OSBPL8: variants seen among roughly 807,000 people sequenced by gnomAD.
OSBPL8 encodes the protein oxysterol-binding protein-related protein 8.
A neutral mutation model predicts 125.5 loss-of-function variants in OSBPL8; 59 were observed. The observed-to-expected ratio is 0.47, with a 90% CI of 0.38 to 0.58. The LOEUF (loss-of-function observed/expected upper bound fraction) is 0.58. Among genes scored for constraint, OSBPL8 ranks in the 20% least tolerant of loss-of-function variants. The pLI is 0.00. For synonymous variants in OSBPL8, 330 were observed against 338.9 expected, an observed-to-expected ratio of 0.97 and a Z score of 0.29; for missense variants, 758 against 1,047.8, an observed-to-expected ratio of 0.72 and a Z score of 3.82.
intron 1 of OSBPL8, among the ~76,000 whole-genome samples, chr12:76,505,143 T>C (rs574535724): frequency 7.2e-5 from 11 of 152,318 alleles, no homozygotes; most frequent in Middle Eastern, 3.4e-3. Flanking sequence ...TATTAAATTC[T>C]TTCTCTTTTG....
intron 2 of OSBPL8, among the ~76,000 whole-genome samples, chr12:76,467,184 T>C (rs1007341617): frequency 2.0e-5 from 3 of 152,172 alleles, no homozygotes; most frequent in African/African-American, 7.2e-5. Flanking sequence ...ACTCCTCTGC[T>C]CTGGCTTCCC....
chr12:76,535,779 A>G (rs889937608), intron 1 of OSBPL8, among the ~76,000 whole-genome samples: 1 of 152,224 alleles, frequency 6.6e-6, no homozygotes, highest in Non-Finnish European at 1.5e-5. Flanking sequence ...AGACAAGAGT[A>G]CATACTCTAT....
At chr12:76,400,290 G>A (rs887988542) in intron 6 of OSBPL8, among the ~76,000 whole-genome samples, 2 of 152,110 alleles carry the variant, frequency 1.3e-5, no homozygotes, top group African/African-American at 4.8e-5. Context: ...GTCTGCTAAG[G>A]ATAATGCCCT....
At chr12:76,366,194 C>A (rs947145904) in intron 21 of OSBPL8, among the ~76,000 whole-genome samples, 9 of 152,282 alleles carry the variant, frequency 5.9e-5, no homozygotes, top group African/African-American at 2.2e-4. Flanking sequence ...TTCACCAGTG[C>A]AGCCACCTGA....
intron 6 of OSBPL8, 108 bp from the exon 7 acceptor site, chr12:76,400,082 T>C: frequency 1.3e-6 from 1 of 764,582 alleles, no homozygotes; most frequent in Non-Finnish European, 2.0e-6. Flanking sequence ...ACCTGTGTCA[T>C]GGGGTTTTGT....
chr12:76,454,080 C>T (rs1873731654), intron 3 of OSBPL8, among the ~76,000 whole-genome samples: 1 of 152,112 alleles, frequency 6.6e-6, no homozygotes, highest in African/African-American at 2.4e-5. Context: ...ATGTCTTAAG[C>T]ACTGTTAATG....
intron 2 of OSBPL8, among the ~76,000 whole-genome samples, chr12:76,461,530 A>T (rs550877720): frequency 1.3e-5 from 2 of 150,552 alleles, no homozygotes; most frequent in African/African-American, 2.4e-5. Flanking sequence ...GGCTCACTGC[A>T]ATCTCCACCT....
rs765811381 is a variant in OSBPL8 at position 76,390,405 on chromosome 12, A to T, written c.1167+15T>A. 1.9e-6 allele frequency: 3 copies of T among 1,541,412 alleles called. No homozygotes were observed. The highest frequency in any genetic ancestry group is 2.7e-6 in the Non-Finnish European group (3 of 1,127,058). ...ATATGAAAATCCAGAACCTCTAAAA[A>T]TAGCAGACTTTTACCTCTCCAAGTT... is the stretch of plus-strand genomic sequence containing the variant. On this transcript the variant is annotated intron_variant, in intron 11 of 23. Transcript: ENST00000261183.
intron 2 of OSBPL8, among the ~76,000 whole-genome samples, chr12:76,460,355 G>A (rs924180299): frequency 3.9e-5 from 6 of 151,996 alleles, no homozygotes; most frequent in South Asian, 2.1e-4. Context: ...ATGAAAGCAC[G>A]TAACACTACA....
chr12:76,531,139 G>A (rs73385560), intron 1 of OSBPL8, among the ~76,000 whole-genome samples: 16,055 of 152,112 alleles, frequency 0.11, 905 homozygotes, highest in Admixed American at 0.12. Flanking sequence ...AGGGGAAGCA[G>A]GGACCTTCTT....
intron 21 of OSBPL8, among the ~76,000 whole-genome samples, chr12:76,363,213 C>A (rs1592521510): frequency 1.3e-5 from 2 of 152,254 alleles, no homozygotes; most frequent in African/African-American, 4.8e-5. Context: ...AAAAAGAGCC[C>A]ATATAGCCAA....
At chr12:76,387,936 T>C (rs180798304) in intron 12 of OSBPL8, among the ~76,000 whole-genome samples, 6 of 152,334 alleles carry the variant, frequency 3.9e-5, no homozygotes, top group Non-Finnish European at 1.5e-5. Context: ...TTACCCTCTA[T>C]AGGTAACTTT....
At chr12:76,441,146 C>A (rs962753893) in intron 4 of OSBPL8, among the ~76,000 whole-genome samples, 7 of 151,154 alleles carry the variant, frequency 4.6e-5, no homozygotes, top group Non-Finnish European at 1.0e-4. Flanking sequence ...CGAAAATCAT[C>A]TTTGCACTTG....
At chr12:76,402,025 A>G (rs1034127609) in intron 6 of OSBPL8, among the ~76,000 whole-genome samples, 2 of 152,226 alleles carry the variant, frequency 1.3e-5, no homozygotes. Flanking sequence ...TAGACATAAT[A>G]CAATTTTAAT....
chr12:76,446,486 T>C (rs187785715), intron 4 of OSBPL8, among the ~76,000 whole-genome samples: 13 of 152,264 alleles, frequency 8.5e-5, no homozygotes, highest in Admixed American at 5.2e-4. Context: ...ATTCATAAAC[T>C]TACCTAGGAA....
intron 2 of OSBPL8, among the ~76,000 whole-genome samples, chr12:76,464,541 TA>T (rs1177175686): frequency 6.6e-6 from 1 of 152,240 alleles, no homozygotes. Context: ...GATTTTATTT[TA>T]TTGTATGTCT....
At chr12:76,373,294 T>TC in intron 18 of OSBPL8, 50 bp downstream of exon 18, 1 of 1,235,614 alleles carries the variant, frequency 8.1e-7, no homozygotes, top group Non-Finnish European at 1.1e-6. Flanking sequence ...GATTTTTTTT[T>TC]TCCCACAGAA....
chr12:76,378,193 G>A (rs967686695), intron 16 of OSBPL8, among the ~76,000 whole-genome samples: 10 of 152,144 alleles, frequency 6.6e-5, no homozygotes, highest in Admixed American at 2.0e-4. Context: ...CATCAGGCAA[G>A]TGCAAAGAAA....
At chr12:76,460,160 A>G (rs1008432459) in intron 2 of OSBPL8, among the ~76,000 whole-genome samples, 4 of 152,228 alleles carry the variant, frequency 2.6e-5, no homozygotes, top group Non-Finnish European at 5.9e-5. Flanking sequence ...AGAAAAATGG[A>G]TCACCTAAGT....
Sources: gnomAD v4.1 joint callset for allele counts (sites outside exome capture counted in the v4.1 genomes callset) on GRCh38, gnomAD v4.1.1 for gene constraint, MANE v1.5 for transcripts, NCBI Gene and HGNC (gene_info 2026-07-23, HGNC 2026-07-21) for gene names.